Variants in KIAA1210 observed in about 807,000 individuals in gnomAD.
The protein encoded by KIAA1210 is acrosomal protein KIAA1210.
In KIAA1210, 48 loss-of-function variants were observed where a neutral mutation model predicts 78.9. The ratio of observed to expected loss-of-function variants is 0.61; its 90% CI spans 0.48 to 0.77. KIAA1210 has a LOEUF of 0.77. Ranked by LOEUF, KIAA1210 falls within the 30% of genes least tolerant of loss-of-function variation. The pLI is 0.00. For synonymous variants in KIAA1210, 406 were observed against 404.5 expected, an observed-to-expected ratio of 1.00 and a Z score of -0.04; for missense variants, 1,108 against 1,100.0, an observed-to-expected ratio of 1.01 and a Z score of -0.10.
Position 119,089,421 on chromosome X carries a change from T to C in KIAA1210, c.1281A>G (p.Glu427=), listed in dbSNP as rs1927290147. ...NMEQPTTSQP[E]TTTPQGLLSD... is the part of the protein sequence containing the mutation. Reference sequence around the variant, plus strand: ...AAAGCAACCCCTGAGGGGTAGTGGTTTCTGGTTGTGAAGTTGTAGGCTGCT... The same window carrying C: ...AAAGCAACCCCTGAGGGGTAGTGGTCTCTGGTTGTGAAGTTGTAGGCTGCT... The change falls in exon 9 of 12, where the codon GAA becomes GAG. Residue 427 remains glutamate (E), a synonymous_variant. Coordinates refer to ENST00000691062, the MANE Select transcript of KIAA1210 (RefSeq NM_001394962.1). 3.3e-6 allele frequency: 4 copies of C among 1,210,313 alleles called. No individual in the cohort carries two copies. The highest frequency in any genetic ancestry group is 4.5e-6 in the Non-Finnish European group (4 of 895,216).
rs1306999467 is a variant in KIAA1210 at position 119,080,419 on chromosome X, T to G, written c.*910A>C. 9.0e-6 allele frequency: 1 copy of G among 111,722 alleles called. No homozygotes were observed. The highest frequency in any genetic ancestry group is 3.3e-5 in the African/African-American group (1 of 30,690). 9.2% of individuals were successfully genotyped at this position (111,722 alleles called of 1,213,427 possible). ...AGGGGTGATAGGCTGATTGGAGAAC[T>G]GGCTGTGCAGAAATTTTCTTGGAGA... is the stretch of plus-strand genomic sequence containing the variant. On this transcript the variant is annotated 3_prime_UTR_variant, in exon 12 of 12. Coordinates refer to ENST00000691062, the MANE Select transcript of KIAA1210 (RefSeq NM_001394962.1).
intron 2 of KIAA1210, among the ~76,000 whole-genome samples, chrX:119,140,116 T>A (rs1002834170): frequency 3.6e-5 from 4 of 112,547 alleles, no homozygotes; most frequent in African/African-American, 6.5e-5. Context: ...CTATAAGCCC[T>A]CCCTGAGTGG....
At chrX:119,105,172 A>G (rs1387010096) in intron 5 of KIAA1210, 25 bp from the exon 6 acceptor site, 2 of 1,163,982 alleles carry the variant, frequency 1.7e-6, no homozygotes, top group African/African-American at 3.6e-5. Context: ...AATAGAAGGA[A>G]CAATTTAAAA....
At chrX:119,093,609 G>A in intron 8 of KIAA1210, 58 bp downstream of exon 8, 1 of 899,570 alleles carries the variant, frequency 1.1e-6, no homozygotes. Context: ...TATCAACATA[G>A]CACTGTGCAA....
chrX:119,096,602 G>T lies in KIAA1210; in HGVS notation c.738C>A (p.Pro246=). ...TLASTSSTQL[P]IGFSTPATTQ... The stretch of plus-strand genomic sequence containing the variant: ...TGGTGGCTGGGGTGCTGAAACCAAT[G>T]GGCAGCTGGGTGCTACTGGTAGAGG... Residue 246 remains proline (P), a synonymous_variant, in exon 7 of 12, where the codon CCC becomes CCA. Transcript: ENST00000691062. The T allele has an allele frequency of 8.3e-7, 1 of 1,210,226 alleles. No homozygotes were observed. The highest frequency in any genetic ancestry group is 1.7e-5 in the African/African-American group (1 of 57,706).
At chrX:119,108,510 T>A (rs1446176954) in intron 4 of KIAA1210, 39 bp from the exon 5 acceptor site, 9 of 1,184,767 alleles carry the variant, frequency 7.6e-6, no homozygotes, top group Non-Finnish European at 1.0e-5. Context: ...AGGATTGGTA[T>A]GCCAGCACAT....
chrX:119,139,935 T>C (rs1929008744), intron 2 of KIAA1210, among the ~76,000 whole-genome samples: 1 of 112,015 alleles, frequency 8.9e-6, no homozygotes, highest in Non-Finnish European at 1.9e-5. Flanking sequence ...CTGGGGCACA[T>C]GGAGTCCTTT....
chrX:119,084,138 C>A (rs933182966), intron 10 of KIAA1210, among the ~76,000 whole-genome samples: 1 of 110,662 alleles, frequency 9.0e-6, no homozygotes, highest in Non-Finnish European at 1.9e-5. Context: ...CTCGCACAGT[C>A]CTTCAACAAA....
intron 11 of KIAA1210, among the ~76,000 whole-genome samples, chrX:119,081,798 G>A (rs1926977324): frequency 8.9e-6 from 1 of 112,407 alleles, no homozygotes; most frequent in Admixed American, 9.4e-5. Context: ...TCTTCAGGTG[G>A]TTATTACTGG....
At chrX:119,098,798 C>T (rs181946125) in intron 6 of KIAA1210, among the ~76,000 whole-genome samples, 23 of 111,359 alleles carry the variant, frequency 2.1e-4, no homozygotes, top group Non-Finnish European at 3.8e-4. Context: ...ACAATATAAA[C>T]TCCATGAAGA....
Position 119,093,695 on chromosome X carries a change from G to T in KIAA1210, c.927C>A (p.Asn309Lys), listed in dbSNP as rs368381607. Residue 309 changes from asparagine to lysine, a missense_variant, in exon 8 of 12, where the codon AAC becomes AAA. By Grantham distance (94) the Asn-to-Lys change is moderately conservative. Transcript: ENST00000691062. ...EKSITKPKEI[N>K]EKKLGMDSAD... ...CACTGTCCATTCCCAGCTTCTTTTCGTTGATTTCTTTTGGTTTGGTTATGC... is the reference window on the plus strand; with the variant it reads ...CACTGTCCATTCCCAGCTTCTTTTCTTTGATTTCTTTTGGTTTGGTTATGC... The T allele has an allele frequency of 4.1e-6, 5 of 1,206,736 alleles. No homozygotes were observed. The African/African-American group carries it at 7.0e-5, about 17-fold the overall frequency.
chrX:119,124,964 C>A (rs748207348), intron 1 of KIAA1210, among the ~76,000 whole-genome samples: 2 of 109,584 alleles, frequency 1.8e-5, no homozygotes, highest in South Asian at 7.8e-4. Flanking sequence ...ACAATACTAG[C>A]AACAAATATA....
chrX:119,145,638 C>A (rs1034225993), intron 2 of KIAA1210, among the ~76,000 whole-genome samples: 1 of 111,291 alleles, frequency 9.0e-6, no homozygotes, highest in Non-Finnish European at 1.9e-5. Flanking sequence ...AGAACAAGTA[C>A]TTACCTTGAC....
chrX:119,144,393 G>A (rs751384519), intron 2 of KIAA1210, among the ~76,000 whole-genome samples: 8 of 112,781 alleles, frequency 7.1e-5, no homozygotes, highest in Non-Finnish European at 7.5e-5. Context: ...GCACAGCTGT[G>A]TAATGTGCAA....
chrX:119,081,214 C>T lies in KIAA1210; in HGVS notation c.*115G>A, dbSNP rs1196670185. On this transcript the variant is annotated 3_prime_UTR_variant, in exon 12 of 12. Coordinates refer to ENST00000691062, the MANE Select transcript of KIAA1210 (RefSeq NM_001394962.1). ...CCCGGGAGGCGGAGCTTGCAGTGAG[C>T]GGAGATCGCGCCACTGCACTCCAAT... 6 of 549,006 alleles carry T rather than the reference C, an allele frequency of 1.1e-5. No individual in the cohort carries two copies. Among genetic ancestry groups the T allele is most frequent in the African/African-American group, 5.8e-5 (2 of 34,716 alleles). 45.2% of individuals were successfully genotyped at this position (549,006 alleles called of 1,213,427 possible).
exon 1 of KIAA1210, chrX:119,150,518 C>T: frequency 8.3e-7 from 1 of 1,210,551 alleles, no homozygotes; most frequent in Non-Finnish European, 1.1e-6. Flanking sequence ...GTAGGGGTGC[C>T]GGCCAGGAAG....
chrX:119,115,184 C>T (rs1267819716), intron 3 of KIAA1210, among the ~76,000 whole-genome samples: 2 of 111,174 alleles, frequency 1.8e-5, no homozygotes, highest in African/African-American at 6.5e-5. Flanking sequence ...GATCTTCAGG[C>T]CCCCTAAGTT....
intron 4 of KIAA1210, among the ~76,000 whole-genome samples, 165 bp from the exon 5 acceptor site, chrX:119,108,636 G>A (rs184489906): frequency 7.1e-4 from 79 of 110,652 alleles, no homozygotes; most frequent in African/African-American, 2.6e-3. Flanking sequence ...AGGCCAAGGC[G>A]GGAGGGTTGC....
intron 2 of KIAA1210, among the ~76,000 whole-genome samples, chrX:119,143,405 C>G (rs1241260734): frequency 8.9e-6 from 1 of 112,322 alleles, no homozygotes; most frequent in Non-Finnish European, 1.9e-5. Context: ...CCCCAGAAAG[C>G]CTCTCTCTGG....
Sources: allele counts gnomAD v4.1 joint callset (sites outside exome capture counted in the v4.1 genomes callset), GRCh38; gene constraint gnomAD v4.1.1; transcripts MANE v1.5; gene names NCBI Gene and HGNC (gene_info 2026-07-23, HGNC 2026-07-21).